ROBO1: variants seen among roughly 807,000 people sequenced by gnomAD.
ROBO1 encodes roundabout homolog 1.
Under a neutral mutation model 195.9 loss-of-function variants are expected in ROBO1, and 149 were observed. The observed-to-expected ratio is 0.76, with a 90% confidence interval of 0.67 to 0.87. The LOEUF is 0.87. Ranked by LOEUF, ROBO1 falls within the 40% of genes least tolerant of loss-of-function variation. The probability of loss-of-function intolerance (pLI) is 0.00; values close to 1 mark genes in which losing one functional copy is unlikely to be tolerated. For synonymous variants in ROBO1, 816 were observed against 733.2 expected (o/e 1.11, Z -1.82); for missense variants, 1,933 against 2,068.3 (o/e 0.93, Z 1.27).
intron 2 of ROBO1, among the ~76,000 whole-genome samples, chr3:79,346,273 T>C (rs2035115962): frequency 6.6e-6 from 1 of 152,110 alleles, no homozygotes; most frequent in African/African-American, 2.4e-5. Flanking sequence ...GTTTTGATAA[T>C]CAAGATATTA....
chr3:79,239,321 A>G (rs191721343), intron 2 of ROBO1, among the ~76,000 whole-genome samples: 20 of 152,342 alleles, frequency 1.3e-4, no homozygotes, highest in Non-Finnish European at 1.3e-4. Context: ...CATAAAAACA[A>G]ATAATGGCAC....
At chr3:79,166,569 T>TTTTA (rs1553693462) in intron 2 of ROBO1, among the ~76,000 whole-genome samples, 1 of 149,864 alleles carries the variant, frequency 6.7e-6, no homozygotes, top group African/African-American at 2.5e-5. Flanking sequence ...TCTTTTTTTT[T>TTTTA]TTTTTTTTAT....
At chr3:79,293,010 C>CT (rs988328551) in intron 2 of ROBO1, among the ~76,000 whole-genome samples, 10 of 152,164 alleles carry the variant, frequency 6.6e-5, no homozygotes, top group African/African-American at 2.4e-4. Flanking sequence ...TGGTCCTTCG[C>CT]TTTTTTTGGT....
chr3:79,253,909 G>A (rs1417534932), intron 2 of ROBO1, among the ~76,000 whole-genome samples: 1 of 152,148 alleles, frequency 6.6e-6, no homozygotes, highest in African/African-American at 2.4e-5. Context: ...TTTCAGTTCT[G>A]CCACATGTCT....
At chr3:79,187,604 G>A (rs1034238382) in intron 2 of ROBO1, among the ~76,000 whole-genome samples, 2 of 151,982 alleles carry the variant, frequency 1.3e-5, no homozygotes, top group Non-Finnish European at 2.9e-5. Flanking sequence ...TCTTTTGAAC[G>A]AAAGTTCCAA....
chr3:78,938,923 G>A lies in ROBO1; in HGVS notation c.177C>T (p.Ser59=), dbSNP rs1332738844. 1 of 1,603,506 alleles carries A rather than the reference G, an allele frequency of 6.2e-7. No homozygotes were observed. The highest frequency in any genetic ancestry group is 8.5e-7 in the Non-Finnish European group (1 of 1,174,680). Residue 59 remains serine (S), a synonymous_variant, in exon 4 of 31, where the codon TCC becomes TCT. Transcript: ENST00000464233. The part of the protein sequence containing the change: ...NDDNSLGYTG[S]RLRQEDFPPR... ...GTGGAAAATCTTCCTGACGAAGACG[G>A]GAGCCTGCAGAAGAATTCACAAAAT...
chr3:79,491,371 C>A (rs1354200668), intron 2 of ROBO1, among the ~76,000 whole-genome samples: 1 of 152,240 alleles, frequency 6.6e-6, no homozygotes, highest in South Asian at 2.1e-4. Context: ...CTCAGCTGAG[C>A]TGCTGACAGT....
intron 4 of ROBO1, among the ~76,000 whole-genome samples, chr3:78,778,200 G>A (rs972831869): frequency 1.3e-5 from 2 of 152,026 alleles, no homozygotes; most frequent in Non-Finnish European, 2.9e-5. Flanking sequence ...GATCGTGGTG[G>A]ATAAGCTTTT....
At chr3:79,394,551 T>C (rs901176049) in intron 2 of ROBO1, among the ~76,000 whole-genome samples, 8 of 152,040 alleles carry the variant, frequency 5.3e-5, no homozygotes, top group African/African-American at 1.7e-4. Flanking sequence ...TAGATACATG[T>C]ATTCTTTCAC....
At chr3:78,908,588 G>C (rs773352489) in intron 4 of ROBO1, among the ~76,000 whole-genome samples, 8 of 151,888 alleles carry the variant, frequency 5.3e-5, no homozygotes, top group Non-Finnish European at 7.4e-5. Context: ...GTGCTCATTA[G>C]AATCATATGC....
chr3:78,906,297 C>T (rs1046147993), intron 4 of ROBO1, among the ~76,000 whole-genome samples: 1 of 152,064 alleles, frequency 6.6e-6, no homozygotes, highest in Non-Finnish European at 1.5e-5. Flanking sequence ...TCAAGTAGTG[C>T]CTCATCTGTG....
chr3:79,353,948 G>A (rs930960529), intron 2 of ROBO1, among the ~76,000 whole-genome samples: 2 of 152,016 alleles, frequency 1.3e-5, no homozygotes, highest in Admixed American at 6.6e-5. Flanking sequence ...AGGAGGCTGA[G>A]GCAGGAGAAT....
intron 2 of ROBO1, among the ~76,000 whole-genome samples, chr3:79,377,997 G>A (rs1206177405): frequency 2.6e-5 from 4 of 152,128 alleles, no homozygotes; most frequent in African/African-American, 9.7e-5. Flanking sequence ...TCTTGCTCAT[G>A]CAAGTCCCTC....
At chr3:79,608,223 C>T (rs1315363923) in intron 1 of ROBO1, among the ~76,000 whole-genome samples, 1 of 151,864 alleles carries the variant, frequency 6.6e-6, no homozygotes, top group Non-Finnish European at 1.5e-5. Flanking sequence ...ACAAAAGCAC[C>T]TTTAGTCCAA....
chr3:78,703,041 T>C (rs1321404906), intron 8 of ROBO1, among the ~76,000 whole-genome samples: 1 of 152,212 alleles, frequency 6.6e-6, no homozygotes, highest in African/African-American at 2.4e-5. Flanking sequence ...TTATATCTGT[T>C]TTTTTGAAAT....
intron 2 of ROBO1, among the ~76,000 whole-genome samples, chr3:79,328,822 C>G (rs1362965703): frequency 6.6e-6 from 1 of 151,926 alleles, no homozygotes; most frequent in Non-Finnish European, 1.5e-5. Flanking sequence ...CCCAGAATTC[C>G]CAAAGTCTAT....
chr3:78,844,470 A>G (rs1425073159), intron 4 of ROBO1, among the ~76,000 whole-genome samples: 1 of 152,066 alleles, frequency 6.6e-6, no homozygotes, highest in Non-Finnish European at 1.5e-5. Context: ...TACAGGAACA[A>G]ACAAAAGGTC....
intron 2 of ROBO1, among the ~76,000 whole-genome samples, chr3:79,554,821 G>T (rs1226815738): frequency 6.6e-6 from 1 of 152,096 alleles, no homozygotes; most frequent in African/African-American, 2.4e-5. Context: ...TTTGAACATT[G>T]CTTTCTAATC....
intron 2 of ROBO1, among the ~76,000 whole-genome samples, chr3:79,270,144 T>C (rs962739122): frequency 6.6e-6 from 1 of 151,260 alleles, no homozygotes; most frequent in South Asian, 2.1e-4. Flanking sequence ...TTGTCGATGT[T>C]CCTTGGGGAA....
Sources: allele counts gnomAD v4.1 joint callset (sites outside exome capture counted in the v4.1 genomes callset), GRCh38; gene constraint gnomAD v4.1.1; transcripts MANE v1.5; gene names NCBI Gene and HGNC (gene_info 2026-07-23, HGNC 2026-07-21).